Variants in KCNIP4 observed in about 807,000 individuals in gnomAD.
The protein encoded by KCNIP4 is potassium voltage-gated channel interacting protein 4.
KCNIP4 carries 12 observed loss-of-function variants against 34.0 expected under a neutral mutation model. The ratio of observed to expected loss-of-function variants is 0.35; its 90% CI spans 0.23 to 0.57. KCNIP4 has a LOEUF of 0.57. Ranked by LOEUF, KCNIP4 falls within the 20% of genes least tolerant of loss-of-function variation. The probability of loss-of-function intolerance (pLI) is 0.83; values close to 1 mark genes in which losing one functional copy is unlikely to be tolerated. For synonymous variants in KCNIP4, 124 were observed against 102.2 expected (o/e 1.21, Z -1.29); for missense variants, 238 against 311.7 (o/e 0.76, Z 1.78).
intron 1 of KCNIP4, among the ~76,000 whole-genome samples, chr4:21,220,397 C>T (rs764795744): frequency 5.3e-5 from 8 of 151,976 alleles, no homozygotes; most frequent in Non-Finnish European, 1.0e-4. Context: ...TCTCACACAC[C>T]GGGGCCTGTT....
At chr4:20,749,021 G>C (rs1213488800) in intron 5 of KCNIP4, among the ~76,000 whole-genome samples, 2 of 151,730 alleles carry the variant, frequency 1.3e-5, no homozygotes, top group African/African-American at 4.8e-5. Flanking sequence ...AGCTGGGCGT[G>C]GTGGCACGGG....
In KCNIP4 at chr4:21,683,379, A is replaced by G. The variant is rs1750542443; in HGVS notation, c.61+265192T>C. On this transcript the variant is annotated intron_variant, in intron 1 of 8. Transcript: ENST00000382152. ...GACTATCATTATCTCAAATTTATTG[A>G]TAAGGTCACTGAACCTAACATAAGT... Among the ~76,000 whole-genome samples, 4 of 147,572 alleles carry G rather than the reference A, an allele frequency of 2.7e-5. No homozygotes were observed. The South Asian group carries it at 9.1e-4, about 34-fold the overall frequency.
intron 1 of KCNIP4, among the ~76,000 whole-genome samples, chr4:21,116,864 A>C (rs1749717665): frequency 6.6e-6 from 1 of 152,152 alleles, no homozygotes; most frequent in Admixed American, 6.5e-5. Context: ...TAACCAGAAA[A>C]ATATAATTCT....
At chr4:21,749,159 T>C (rs1436580108) in intron 1 of KCNIP4, among the ~76,000 whole-genome samples, 1 of 152,156 alleles carries the variant, frequency 6.6e-6, no homozygotes, top group Non-Finnish European at 1.5e-5. Context: ...CAAACATGTC[T>C]TCAAAATTAA....
At chr4:21,479,158 A>T (rs1731224847) in intron 1 of KCNIP4, among the ~76,000 whole-genome samples, 1 of 152,216 alleles carries the variant, frequency 6.6e-6, no homozygotes, top group South Asian at 2.1e-4. Context: ...GGGCCAGCCC[A>T]GTATCTGCAG....
chr4:21,113,455 T>A (rs12646460), intron 1 of KCNIP4, among the ~76,000 whole-genome samples: 9,193 of 61,728 alleles, frequency 0.15, 670 homozygotes, highest in East Asian at 0.18. Context: ...TCTATAAGTT[T>A]AAAAAAAAAA....
intron 1 of KCNIP4, among the ~76,000 whole-genome samples, chr4:21,540,893 T>C (rs1384837172): frequency 2.6e-5 from 4 of 151,988 alleles, no homozygotes; most frequent in Admixed American, 2.6e-4. Flanking sequence ...AGATGAGGCC[T>C]GGCACGGTGG....
intron 1 of KCNIP4, among the ~76,000 whole-genome samples, chr4:21,241,170 T>C (rs1466736073): frequency 6.6e-6 from 1 of 152,180 alleles, no homozygotes; most frequent in Non-Finnish European, 1.5e-5. Context: ...GAATTTTCTA[T>C]ATAGTATGTA....
At chr4:21,836,093 G>A (rs1352897579) in intron 1 of KCNIP4, among the ~76,000 whole-genome samples, 1 of 152,044 alleles carries the variant, frequency 6.6e-6, no homozygotes, top group Non-Finnish European at 1.5e-5. Flanking sequence ...GACTGGCAAG[G>A]GGCACACCAC....
chr4:21,038,023 G>A (rs1016761461), intron 1 of KCNIP4, among the ~76,000 whole-genome samples: 4 of 151,966 alleles, frequency 2.6e-5, no homozygotes, highest in East Asian at 1.9e-4. Context: ...TCGCTCTGTC[G>A]CCCAGGCTGG....
At chr4:21,497,970 G>T (rs1441138516) in intron 1 of KCNIP4, among the ~76,000 whole-genome samples, 1 of 152,040 alleles carries the variant, frequency 6.6e-6, no homozygotes, top group Non-Finnish European at 1.5e-5. Flanking sequence ...TATATCCCCA[G>T]TACCTATTAT....
chr4:21,035,558 C>T (rs1456475761), intron 1 of KCNIP4, among the ~76,000 whole-genome samples: 1 of 152,158 alleles, frequency 6.6e-6, no homozygotes, highest in Non-Finnish European at 1.5e-5. Flanking sequence ...GAGGTCTAGC[C>T]ATTGGACAAC....
intron 1 of KCNIP4, among the ~76,000 whole-genome samples, chr4:21,766,540 T>A (rs1718430348): frequency 1.3e-5 from 2 of 152,126 alleles, no homozygotes; most frequent in South Asian, 4.1e-4. Context: ...TAAAGCGAAT[T>A]TCCTCGACTG....
chr4:21,099,570 C>T (rs1747760299), intron 1 of KCNIP4, among the ~76,000 whole-genome samples: 1 of 151,960 alleles, frequency 6.6e-6, no homozygotes, highest in Non-Finnish European at 1.5e-5. Context: ...ACACGTTTAC[C>T]TATGTAACAA....
intron 1 of KCNIP4, among the ~76,000 whole-genome samples, chr4:21,077,035 G>T (rs369473382): frequency 5.3e-5 from 8 of 152,090 alleles, no homozygotes; most frequent in African/African-American, 1.9e-4. Context: ...TGAGACAGGG[G>T]AATTTCTTGA....
intron 1 of KCNIP4, among the ~76,000 whole-genome samples, chr4:21,892,600 A>C (rs545815510): frequency 6.6e-6 from 1 of 152,140 alleles, no homozygotes; most frequent in Admixed American, 6.6e-5. Context: ...TCTACTTAAA[A>C]AATTAGGTCC....
chr4:21,107,899 C>A (rs998362423), intron 1 of KCNIP4, among the ~76,000 whole-genome samples: 2 of 151,306 alleles, frequency 1.3e-5, no homozygotes, highest in African/African-American at 4.9e-5. Context: ...GTTAAAAATT[C>A]TCTCCTTTAA....
At chr4:21,619,009 T>C (rs565370708) in intron 1 of KCNIP4, among the ~76,000 whole-genome samples, 1 of 152,236 alleles carries the variant, frequency 6.6e-6, no homozygotes, top group East Asian at 1.9e-4. Context: ...TACTTGATGA[T>C]CCCAGGACCT....
chr4:21,191,124 G>C (rs1339545584), intron 1 of KCNIP4, among the ~76,000 whole-genome samples: 1 of 152,126 alleles, frequency 6.6e-6, no homozygotes, highest in East Asian at 1.9e-4. Flanking sequence ...GGGTCCAAAA[G>C]AGAATTGTTT....
Sources: gnomAD v4.1 joint callset for allele counts (sites outside exome capture counted in the v4.1 genomes callset) on GRCh38, gnomAD v4.1.1 for gene constraint, MANE v1.5 for transcripts, NCBI Gene and HGNC (gene_info 2026-07-23, HGNC 2026-07-21) for gene names.